The following MICU2 variants were observed in gnomAD, a reference collection of about 807,000 sequenced individuals.
The protein encoded by MICU2 is mitochondrial calcium uptake 2, also known as calcium uptake protein 2, mitochondrial.
A neutral mutation model predicts 60.4 loss-of-function variants in MICU2; 64 were observed. That is an observed-to-expected ratio of 1.06 (90% CI 0.87 to 1.31). The LOEUF is 1.31. Ranked by LOEUF, MICU2 falls within the 50% of genes most tolerant of loss-of-function variation. The pLI is 0.00. For missense variants in MICU2, 569 were observed against 531.0 expected (o/e 1.07, Z -0.70); for synonymous variants, 201 against 175.0 (o/e 1.15, Z -1.17).
intron 1 of MICU2, among the ~76,000 whole-genome samples, chr13:21,571,312 A>C (rs1269722110): frequency 6.6e-6 from 1 of 152,196 alleles, no homozygotes; most frequent in Admixed American, 6.5e-5. Flanking sequence ...AGATATAATA[A>C]ACGTCAAGAT....
intron 2 of MICU2, among the ~76,000 whole-genome samples, chr13:21,542,852 A>G (rs554135030): frequency 5.8e-4 from 89 of 152,338 alleles, no homozygotes; most frequent in Admixed American, 2.4e-3. Context: ...TTAAAATAGT[A>G]AAGCTGCATT....
intron 2 of MICU2, among the ~76,000 whole-genome samples, chr13:21,565,822 G>C (rs1887968050): frequency 6.6e-6 from 1 of 152,190 alleles, no homozygotes; most frequent in Non-Finnish European, 1.5e-5. Context: ...GACAGAGCAA[G>C]ACTCTGTTTC....
At chr13:21,498,995 G>C (rs1251105182) in intron 9 of MICU2, among the ~76,000 whole-genome samples, 1 of 152,166 alleles carries the variant, frequency 6.6e-6, no homozygotes, top group Non-Finnish European at 1.5e-5. Context: ...GTGTTGCCCA[G>C]TCTGGAGTGC....
At chr13:21,548,920 A>AG (rs1313564006) in intron 2 of MICU2, among the ~76,000 whole-genome samples, 196 of 117,916 alleles carry the variant, frequency 1.7e-3, no homozygotes, top group African/African-American at 5.7e-3. Context: ...CAAGTTTGAG[A>AG]GTTTTTTTTT....
At chr13:21,540,714 AT>A (rs375272544) in intron 2 of MICU2, among the ~76,000 whole-genome samples, 43 of 152,220 alleles carry the variant, frequency 2.8e-4, no homozygotes, top group African/African-American at 1.0e-3. Flanking sequence ...TTTTGGGATA[AT>A]TTTTACTCAC....
At chr13:21,587,117 C>T (rs1239988200) in intron 1 of MICU2, among the ~76,000 whole-genome samples, 1 of 152,076 alleles carries the variant, frequency 6.6e-6, no homozygotes, top group African/African-American at 2.4e-5. Flanking sequence ...TTGCCAGGGA[C>T]GAGGGGAGGA....
At chr13:21,534,842 C>A (rs1887094523) in intron 4 of MICU2, among the ~76,000 whole-genome samples, 1 of 151,982 alleles carries the variant, frequency 6.6e-6, no homozygotes, top group Non-Finnish European at 1.5e-5. Context: ...TAACAAAATA[C>A]AAAAAATGAG....
At chr13:21,591,386 C>T (rs1888580973) in intron 1 of MICU2, among the ~76,000 whole-genome samples, 2 of 152,088 alleles carry the variant, frequency 1.3e-5, no homozygotes, top group African/African-American at 4.8e-5. Flanking sequence ...TGTTAGAGAC[C>T]TACAAAGAGA....
At position 21,495,159 on chromosome 13, in the gene MICU2, AC is replaced by A. The variant is rs1335570936; in HGVS notation, c.1200+1del. 1.1e-5 allele frequency: 17 copies of A among 1,590,204 alleles called. No homozygotes were observed. The highest frequency in any genetic ancestry group is 1.4e-5 in the Non-Finnish European group (16 of 1,171,754). On this transcript the variant is annotated splice_donor_variant, in intron 11 of 11. Coordinates refer to ENST00000382374, the MANE Select transcript of MICU2 (RefSeq NM_152726.3). LOFTEE classifies it high-confidence loss of function. ...ATGTATTATATAAAAAAAATCTGTT[AC>A]CCATAAACCTCGATGCATTCTGTTT...
chr13:21,547,812 C>G (rs73443862), intron 2 of MICU2, among the ~76,000 whole-genome samples: 3,547 of 151,570 alleles, frequency 0.023, 148 homozygotes, highest in African/African-American at 0.083. Flanking sequence ...GGTAGAGCAT[C>G]TGCAGTGCAT....
Position 21,495,536 on chromosome 13 carries a change from A to G in MICU2, c.1043-218T>C, listed in dbSNP as rs912073719. On this transcript the variant is annotated intron_variant, in intron 10 of 11. Transcript: ENST00000382374. ...ACAAATGAGCTATTGTAATTTAATC[A>G]ATGCTCTAAACATATATTTGAGATG... is the stretch of plus-strand genomic sequence containing the variant. The G allele has an allele frequency of 1.7e-5, 8 of 480,310 alleles. No homozygotes were observed. The South Asian group carries it at 3.0e-4, about 18-fold the overall frequency. 29.8% of individuals were successfully genotyped at this position (480,310 alleles called of 1,614,324 possible).
chr13:21,516,901 A>C (rs1334155691), intron 6 of MICU2, among the ~76,000 whole-genome samples: 2 of 152,242 alleles, frequency 1.3e-5, no homozygotes, highest in African/African-American at 4.8e-5. Flanking sequence ...CCTAAGGAGC[A>C]ACCGATACTA....
intron 2 of MICU2, among the ~76,000 whole-genome samples, chr13:21,556,843 G>A (rs1471884759): frequency 6.6e-6 from 1 of 152,128 alleles, no homozygotes; most frequent in Non-Finnish European, 1.5e-5. Context: ...AAGAGCTGAC[G>A]AAGGAAATAG....
chr13:21,540,896 A>G (rs538584822), intron 2 of MICU2, among the ~76,000 whole-genome samples: 28 of 152,282 alleles, frequency 1.8e-4, no homozygotes, highest in Middle Eastern at 3.4e-3. Context: ...TGAACTCCAA[A>G]AAACTGTGTA....
chr13:21,496,166 A>G lies in MICU2; in HGVS notation c.934-6T>C, dbSNP rs1019237252. The G allele has an allele frequency of 6.3e-7, 1 of 1,592,394 alleles. No homozygotes were observed. The highest frequency in any genetic ancestry group is 8.6e-7 in the Non-Finnish European group (1 of 1,166,080). On this transcript the variant is annotated splice_region_variant and splice_polypyrimidine_tract_variant and intron_variant, in intron 9 of 11. Transcript: ENST00000382374. ...AATTCATCCAAACTAATGCTCTAAT[A>G]AAGTAAGAGTTTTTATTACAATTTT...
intron 10 of MICU2, chr13:21,495,598 C>T (rs1278895678): frequency 9.9e-6 from 3 of 304,018 alleles, no homozygotes; most frequent in South Asian, 6.7e-5. Context: ...TGCAATGGCA[C>T]GATCTTGACT....
At chr13:21,571,110 G>A (rs1452131450) in intron 1 of MICU2, among the ~76,000 whole-genome samples, 1 of 150,360 alleles carries the variant, frequency 6.7e-6, no homozygotes, top group Non-Finnish European at 1.5e-5. Context: ...TTTTTTTGTT[G>A]CTGCTATTTT....
At chr13:21,568,551 G>C (rs1888035394) in intron 1 of MICU2, among the ~76,000 whole-genome samples, 1 of 152,034 alleles carries the variant, frequency 6.6e-6, no homozygotes, top group African/African-American at 2.4e-5. Flanking sequence ...TTTAAACGTG[G>C]GGCAAATATA....
At position 21,522,650 on chromosome 13, in the gene MICU2, C is replaced by T; in HGVS notation, c.467G>A (p.Gly156Glu). 6.3e-7 allele frequency: 1 copy of T among 1,596,826 alleles called. No homozygotes were observed. Among genetic ancestry groups the T allele is most frequent in the Non-Finnish European group, 8.5e-7 (1 of 1,170,472 alleles). The change falls in exon 5 of 12, where the codon GGG (glycine) becomes GAG (glutamate). Residue 156 changes from glycine (G) to glutamate (E), a missense_variant and splice_region_variant. Gly to Glu is a moderately conservative substitution (Grantham distance 98). Transcript: ENST00000382374. ...STFFRDLGDKGLISYTEYLFL... is the reference protein window; with the variant it reads ...STFFRDLGDKELISYTEYLFL... ...AAGATACTCGGTATATGAAATTAGCCCTGAAAGAGATAAAAACATACCAGA... is the reference window on the plus strand; with the variant it reads ...AAGATACTCGGTATATGAAATTAGCTCTGAAAGAGATAAAAACATACCAGA...
Sources: gnomAD v4.1 joint callset for allele counts (sites outside exome capture counted in the v4.1 genomes callset) on GRCh38, gnomAD v4.1.1 for gene constraint, MANE v1.5 for transcripts, NCBI Gene and HGNC (gene_info 2026-07-23, HGNC 2026-07-21) for gene names.